RORA: variants seen among roughly 807,000 people sequenced by gnomAD.
RORA encodes RAR related orphan receptor A.
In RORA, 7 loss-of-function variants were observed where a neutral mutation model predicts 69.5. That is an observed-to-expected ratio of 0.10 (90% CI 0.06 to 0.19). The LOEUF (loss-of-function observed/expected upper bound fraction) is 0.19. RORA is among the 10% of genes least tolerant of loss of function. The probability of loss-of-function intolerance (pLI) is 1.00; values close to 1 mark genes in which losing one functional copy is unlikely to be tolerated. For missense variants in RORA, 457 were observed against 663.0 expected, an observed-to-expected ratio of 0.69 and a Z score of 3.41; for synonymous variants, 261 against 240.8, an observed-to-expected ratio of 1.08 and a Z score of -0.78.
At chr15:61,119,433 C>T (rs1362480175) in intron 1 of RORA, among the ~76,000 whole-genome samples, 1 of 150,774 alleles carries the variant, frequency 6.6e-6, no homozygotes, top group East Asian at 1.9e-4. Context: ...TATATATACA[C>T]ACACACAAAT....
At chr15:61,105,360 G>C (rs2078938178) in intron 1 of RORA, among the ~76,000 whole-genome samples, 1 of 152,152 alleles carries the variant, frequency 6.6e-6, no homozygotes, top group Non-Finnish European at 1.5e-5. Flanking sequence ...TACTCACTAA[G>C]TGTGTTTAAT....
intron 1 of RORA, among the ~76,000 whole-genome samples, chr15:60,880,748 T>C (rs2073669996): frequency 6.6e-6 from 1 of 152,230 alleles, no homozygotes; most frequent in Admixed American, 6.5e-5. Context: ...AGAAAATATA[T>C]GCATATAGCA....
rs1278760179 is a variant in RORA, at chr15:61,229,130, G to T, written c.89C>A (p.Pro30Gln). ...ADAAAGSRET[P>Q]LNQESARKSE... ...CTTGCGGGCGGATTCCTGGTTCAGC[G>T]GGGTCTCCCTGGAGCCGGCGGCCGC... The change falls in exon 1 of 11, where the codon CCG becomes CAG. Residue 30 changes from proline (P) to glutamine (Q), a missense_variant. Physicochemically the swap from Pro to Gln is moderately conservative, Grantham distance 76. Around this residue, in one of 3 missense-constraint regions of RORA, gnomAD observed 119 missense variants for 92.4 expected, o/e 1.29. Transcript: ENST00000335670. 3.9e-6 allele frequency: 6 copies of T among 1,542,788 alleles called. No homozygotes were observed. The highest frequency in any genetic ancestry group is 5.2e-6 in the Non-Finnish European group (6 of 1,144,846).
chr15:61,030,140 C>T lies in RORA; in HGVS notation c.166+198913G>A, dbSNP rs73422440. Among the ~76,000 whole-genome samples, 1,513 of 152,126 alleles carry T rather than the reference C, an allele frequency of 9.9e-3. 27 individuals are homozygous for T. Among genetic ancestry groups the T allele is most frequent in the African/African-American group, 0.034 (1,392 of 41,486 alleles). ...GTCAAGGTTATGGAAGTCAAGGAAA[C>T]GCTAAGGAAGTGTTCACATTAAAGG... On this transcript the variant is annotated intron_variant, in intron 1 of 10. Coordinates refer to ENST00000335670, the MANE Select transcript of RORA (RefSeq NM_134261.3).
At chr15:60,654,815 G>A (rs1713390213) in intron 2 of RORA, among the ~76,000 whole-genome samples, 2 of 152,192 alleles carry the variant, frequency 1.3e-5, no homozygotes, top group South Asian at 4.1e-4. Flanking sequence ...GGAGCCATGA[G>A]ACAAGGAATC....
rs2078157171 is a variant in RORA at position 61,059,995 on chromosome 15, GAAGAAGAA to G, written c.166+169050_166+169057del. On this transcript the variant is annotated intron_variant, in intron 1 of 10. Coordinates refer to ENST00000335670, the MANE Select transcript of RORA (RefSeq NM_134261.3). The stretch of plus-strand genomic sequence containing the variant: ...GGAAGAGGAAGAGGAAGAGGAAGAA[GAAGAAGAA>G]GAAGAAGAAGAAGAAGAAGAAGAAG... Among the ~76,000 whole-genome samples the G allele has an allele frequency of 3.4e-3, 370 of 108,410 alleles. 1 individual carries two copies. Among genetic ancestry groups the G allele is most frequent in the Admixed American group, 5.4e-3 (52 of 9,602 alleles). 71.1% of individuals were successfully genotyped at this position (108,410 alleles called of 152,430 possible). A position where few individuals can be genotyped will look rare whatever the true frequency, so the allele number is the denominator to read the frequency against.
rs940449906 is a variant in RORA at position 60,892,081 on chromosome 15, T to C, written c.167-213395A>G. Among the ~76,000 whole-genome samples the C allele has an allele frequency of 5.9e-5, 9 of 152,306 alleles. No individual in the cohort carries two copies. The East Asian group carries it at 9.6e-4, about 16-fold the overall frequency. On this transcript the variant is annotated intron_variant, in intron 1 of 10. Coordinates refer to ENST00000335670, the MANE Select transcript of RORA (RefSeq NM_134261.3). ...ATTCCGAGGCCTCATCCAGAATCCA[T>C]TGGAAAGACTGCTGCAGTCAGTTAC...
intron 2 of RORA, among the ~76,000 whole-genome samples, chr15:60,597,571 T>TAC (rs1406116602): frequency 8.5e-5 from 3 of 35,350 alleles, no homozygotes; most frequent in African/African-American, 4.2e-4. Flanking sequence ...TATATATATA[T>TAC]ATACACATAT....
chr15:61,041,518 A>T (rs1276481876), intron 1 of RORA, among the ~76,000 whole-genome samples: 1 of 152,200 alleles, frequency 6.6e-6, no homozygotes, highest in Non-Finnish European at 1.5e-5. Context: ...TTATATTTCC[A>T]GGGGGTGGAA....
At chr15:60,867,636 T>G (rs372395593) in intron 1 of RORA, among the ~76,000 whole-genome samples, 1 of 152,256 alleles carries the variant, frequency 6.6e-6, no homozygotes, top group Non-Finnish European at 1.5e-5. Flanking sequence ...AAAGATGCAT[T>G]AGAGCCTAAG....
intron 1 of RORA, among the ~76,000 whole-genome samples, chr15:61,186,277 GC>G (rs1406407061): frequency 2.0e-5 from 3 of 152,056 alleles, no homozygotes; most frequent in African/African-American, 7.2e-5. Context: ...TCCAGTATCA[GC>G]CCCAGGATTA....
At chr15:60,734,623 C>A (rs1214107920) in intron 1 of RORA, among the ~76,000 whole-genome samples, 2 of 152,176 alleles carry the variant, frequency 1.3e-5, no homozygotes, top group African/African-American at 2.4e-5. Flanking sequence ...GGACCCCGAC[C>A]TCTCCATGTC....
chr15:60,697,150 G>A (rs1014773119), intron 1 of RORA, among the ~76,000 whole-genome samples: 2 of 152,198 alleles, frequency 1.3e-5, no homozygotes, highest in African/African-American at 2.4e-5. Context: ...TACACAGGGC[G>A]AGAGATTTTT....
chr15:60,746,001 G>A (rs1318680648), intron 1 of RORA, among the ~76,000 whole-genome samples: 1 of 152,148 alleles, frequency 6.6e-6, no homozygotes, highest in African/African-American at 2.4e-5. Flanking sequence ...AAAATATCTG[G>A]AAGGCTTTTA....
intron 1 of RORA, chr15:60,848,763 C>G (rs952198397): frequency 6.6e-6 from 1 of 152,352 alleles, no homozygotes; most frequent in African/African-American, 2.4e-5. Context: ...AGATGCCACA[C>G]ACTTTTAAAC....
At chr15:60,501,193 G>T in intron 8 of RORA, 124 bp from the exon 9 acceptor site, 4 of 635,774 alleles carry the variant, frequency 6.3e-6, no homozygotes, top group South Asian at 2.0e-5. Context: ...AAAACATGGG[G>T]AAGGTGAAGA....
chr15:60,557,741 A>T (rs2067409655), intron 2 of RORA, among the ~76,000 whole-genome samples: 1 of 152,226 alleles, frequency 6.6e-6, no homozygotes, highest in South Asian at 2.1e-4. Context: ...CTCTGTGATC[A>T]TGTATTTTAG....
At position 60,671,239 on chromosome 15, in the gene RORA, G is replaced by A. The variant is rs147160685; in HGVS notation, c.196+7418C>T. ...ATTACTAAGTTGGTCTAACAAAAAA[G>A]TATAAATTTATTATAAATGTCATTA... On this transcript the variant is annotated intron_variant, in intron 2 of 10. Coordinates refer to ENST00000335670, the MANE Select transcript of RORA (RefSeq NM_134261.3). Among the ~76,000 whole-genome samples, 1,088 of 151,986 alleles carry A rather than the reference G, an allele frequency of 7.2e-3. 6 individuals carry two copies. The highest frequency in any genetic ancestry group is 0.03 in the South Asian group (143 of 4,812).
At chr15:60,846,772 T>C (rs368606004) in intron 1 of RORA, among the ~76,000 whole-genome samples, 3 of 152,232 alleles carry the variant, frequency 2.0e-5, no homozygotes, top group African/African-American at 7.2e-5. Flanking sequence ...GTTGCACAGA[T>C]TGCTGGTTCT....
Sources: gnomAD v4.1 joint callset for allele counts (sites outside exome capture counted in the v4.1 genomes callset) on GRCh38, gnomAD v4.1.1 for gene constraint, gnomAD v4.1.1 regional missense constraint, MANE v1.5 for transcripts, NCBI Gene and HGNC (gene_info 2026-07-23, HGNC 2026-07-21) for gene names.